The following PITPNC1 variants were observed in gnomAD, a reference collection of about 807,000 sequenced individuals.
PITPNC1 encodes cytoplasmic phosphatidylinositol transfer protein 1.
A neutral mutation model predicts 44.7 loss-of-function variants in PITPNC1; 18 were observed. The ratio of observed to expected loss-of-function variants is 0.40; its 90% CI spans 0.28 to 0.60. The LOEUF is 0.60. Among genes scored for constraint, PITPNC1 ranks in the 20% least tolerant of loss-of-function variants. PITPNC1 has a pLI of 0.39. For missense variants in PITPNC1, 290 were observed against 418.4 expected (o/e 0.69, Z 2.68); for synonymous variants, 141 against 149.6 (o/e 0.94, Z 0.42).
chr17:67,575,894 T>TA (rs2041142525), intron 4 of PITPNC1, among the ~76,000 whole-genome samples: 1 of 133,962 alleles, frequency 7.5e-6, no homozygotes, highest in Non-Finnish European at 1.6e-5. Context: ...TTTTTTTTTT[T>TA]GAGACTGAGT....
intron 1 of PITPNC1, among the ~76,000 whole-genome samples, chr17:67,429,458 G>C (rs1194807523): frequency 6.6e-6 from 1 of 151,094 alleles, no homozygotes; most frequent in Non-Finnish European, 1.5e-5. Flanking sequence ...CCAGCACTTT[G>C]GGAGGCCAAG....
chr17:67,393,547 G>A (rs963217380), intron 1 of PITPNC1, among the ~76,000 whole-genome samples: 1 of 152,080 alleles, frequency 6.6e-6, no homozygotes, highest in African/African-American at 2.4e-5. Context: ...TGACAACATG[G>A]ACGCATATCT....
chr17:67,629,238 C>CTGTGTG lies in PITPNC1; in HGVS notation c.367-2882_367-2877dup, dbSNP rs71139164. On this transcript the variant is annotated intron_variant, in intron 5 of 8. Coordinates refer to ENST00000581322, the MANE Select transcript of PITPNC1 (RefSeq NM_012417.4). Reference sequence around the variant, plus strand: ...GAAGCTCATTTCCCTCTGGGGTATTCTGTGTGTGTGTGTGTGTGTGTGTGT... The same window carrying CTGTGTG: ...GAAGCTCATTTCCCTCTGGGGTATTCTGTGTGTGTGTGTGTGTGTGTGTGTGTGTGT... Among the ~76,000 whole-genome samples the CTGTGTG allele has an allele frequency of 4.5e-3, 595 of 131,324 alleles. 5 individuals carry two copies. Among genetic ancestry groups the CTGTGTG allele is most frequent in the South Asian group, 0.013 (50 of 3,722 alleles). The allele number at this position is 131,324 out of a possible 152,430, so 86.2% of individuals were successfully genotyped here.
intron 1 of PITPNC1, among the ~76,000 whole-genome samples, chr17:67,392,261 T>C (rs1216078567): frequency 6.6e-6 from 1 of 152,188 alleles, no homozygotes; most frequent in Non-Finnish European, 1.5e-5. Context: ...GAGTGTACTA[T>C]TCAGAGTTAT....
chr17:67,388,677 T>C (rs2143794828), intron 1 of PITPNC1, among the ~76,000 whole-genome samples: 1 of 152,130 alleles, frequency 6.6e-6, no homozygotes, highest in Admixed American at 6.5e-5. Context: ...TGGAGTGCAG[T>C]GTGCATGATC....
At chr17:67,551,316 A>T (rs2040759828) in intron 2 of PITPNC1, among the ~76,000 whole-genome samples, 1 of 152,148 alleles carries the variant, frequency 6.6e-6, no homozygotes, top group South Asian at 2.1e-4. Context: ...TGGCTTTCTA[A>T]TAACTTTCCG....
At chr17:67,690,730 C>T (rs1206707075) in intron 8 of PITPNC1, among the ~76,000 whole-genome samples, 2 of 152,020 alleles carry the variant, frequency 1.3e-5, no homozygotes, top group Admixed American at 1.3e-4. Context: ...TTTAATAAGC[C>T]CAGGTTCCTC....
rs180722246 is a variant in PITPNC1 at position 67,490,285 on chromosome 17, T to C, written c.49-42517T>C. On this transcript the variant is annotated intron_variant, in intron 1 of 8. Transcript: ENST00000581322. ...ATACTTGTGTGTGTGTGTGTGTTAT[T>C]ATCTAACCAGGGATAATGAATTATT... 1.2e-4 allele frequency among the ~76,000 whole-genome samples: 19 copies of C among 152,262 alleles called. No homozygotes were observed. The East Asian group carries it at 3.5e-3, about 28-fold the overall frequency.
At chr17:67,528,599 G>C (rs777192141) in intron 1 of PITPNC1, among the ~76,000 whole-genome samples, 3 of 152,182 alleles carry the variant, frequency 2.0e-5, no homozygotes, top group Non-Finnish European at 2.9e-5. Flanking sequence ...TAAGAAATCA[G>C]TATAAAGGAG....
chr17:67,379,786 T>G (rs1013901435), intron 1 of PITPNC1, among the ~76,000 whole-genome samples: 4 of 152,178 alleles, frequency 2.6e-5, no homozygotes, highest in Admixed American at 6.6e-5. Context: ...ATGACCTTGT[T>G]TTTTGATATG....
chr17:67,477,553 T>C (rs1179763600), intron 1 of PITPNC1, among the ~76,000 whole-genome samples: 1 of 148,682 alleles, frequency 6.7e-6, no homozygotes, highest in Non-Finnish European at 1.5e-5. Flanking sequence ...CCTGCCCAGC[T>C]CATTTTTATT....
chr17:67,558,190 G>A (rs2040863696), intron 4 of PITPNC1, among the ~76,000 whole-genome samples: 1 of 152,038 alleles, frequency 6.6e-6, no homozygotes, highest in Non-Finnish European at 1.5e-5. Context: ...AGACATAAGA[G>A]CTTTTTCATC....
At chr17:67,406,479 A>C (rs2038403115) in intron 1 of PITPNC1, among the ~76,000 whole-genome samples, 1 of 151,974 alleles carries the variant, frequency 6.6e-6, no homozygotes, top group African/African-American at 2.4e-5. Context: ...TATGGCCTTC[A>C]TGTTTGGCTT....
intron 1 of PITPNC1, among the ~76,000 whole-genome samples, chr17:67,449,788 C>T (rs923400196): frequency 6.6e-6 from 1 of 152,164 alleles, no homozygotes; most frequent in African/African-American, 2.4e-5. Context: ...TCTTTGATGC[C>T]TCTATCACAG....
intron 1 of PITPNC1, among the ~76,000 whole-genome samples, chr17:67,425,193 G>GCGCGCGCGCACACACA (rs1160522771): frequency 5.8e-5 from 3 of 52,118 alleles, no homozygotes; most frequent in East Asian, 1.1e-3. Context: ...TTGTGCGCGC[G>GCGCGCGCGCACACACA]CACGCACACG....
chr17:67,521,002 A>G (rs2040318571), intron 1 of PITPNC1, among the ~76,000 whole-genome samples: 1 of 152,194 alleles, frequency 6.6e-6, no homozygotes. Context: ...AAGAAGCAGC[A>G]AAAATATACA....
chr17:67,570,159 C>T (rs1397785075), intron 4 of PITPNC1, among the ~76,000 whole-genome samples: 1 of 152,158 alleles, frequency 6.6e-6, no homozygotes, highest in Non-Finnish European at 1.5e-5. Flanking sequence ...AGTGAACCAG[C>T]GGACGTGCAC....
intron 1 of PITPNC1, among the ~76,000 whole-genome samples, chr17:67,384,182 G>A (rs564819868): frequency 9.9e-5 from 15 of 152,078 alleles, no homozygotes; most frequent in African/African-American, 2.9e-4. Context: ...CAGAAAAATA[G>A]AAACACTCCC....
intron 1 of PITPNC1, among the ~76,000 whole-genome samples, chr17:67,495,388 C>T (rs2144055955): frequency 6.6e-6 from 1 of 152,124 alleles, no homozygotes; most frequent in South Asian, 2.1e-4. Flanking sequence ...TTTAAAAAAA[C>T]TTTTATTTTA....
Sources: allele counts gnomAD v4.1 joint callset (sites outside exome capture counted in the v4.1 genomes callset), GRCh38; gene constraint gnomAD v4.1.1; transcripts MANE v1.5; gene names NCBI Gene and HGNC (gene_info 2026-07-23, HGNC 2026-07-21).